The following KCNMA1 variants were observed in gnomAD, a reference collection of about 807,000 sequenced individuals.
The protein encoded by KCNMA1 is Calcium-activated potassium channel subunit alpha-1.
In KCNMA1, 29 loss-of-function variants were observed where a neutral mutation model predicts 140.0. The ratio of observed to expected loss-of-function variants is 0.21; its 90% confidence interval spans 0.15 to 0.28. The LOEUF (loss-of-function observed/expected upper bound fraction) is 0.28, where lower values mean the gene tolerates loss of function less well. Ranked by LOEUF, KCNMA1 falls within the 10% of genes least tolerant of loss-of-function variation. The pLI, the probability that KCNMA1 is intolerant of heterozygous loss-of-function variation, is 1.00. For synonymous variants in KCNMA1, 612 were observed against 611.9 expected (o/e 1.00, Z 0.00); for missense variants, 880 against 1,602.2 (o/e 0.55, Z 7.70).
At chr10:77,129,680 C>T in intron 5 of KCNMA1, among the ~76,000 whole-genome samples, 1 of 151,246 alleles carries the variant, frequency 6.6e-6, no homozygotes, top group East Asian at 1.9e-4. Context: ...ACTAAATAAC[C>T]AGAAAACCAA....
chr10:77,514,005 C>T (rs1217396570), intron 1 of KCNMA1, among the ~76,000 whole-genome samples: 1 of 152,250 alleles, frequency 6.6e-6, no homozygotes, highest in Non-Finnish European at 1.5e-5. Flanking sequence ...GATGGCCTGT[C>T]ACTCCCAGTG....
intron 1 of KCNMA1, among the ~76,000 whole-genome samples, chr10:77,447,365 TG>T (rs139346733): frequency 0.014 from 2,120 of 152,346 alleles, 60 homozygotes; most frequent in African/African-American, 0.048. Flanking sequence ...GAGCTCAAAC[TG>T]GTCTCCACCA....
chr10:77,543,440 A>C lies in KCNMA1; in HGVS notation c.378+93825T>G, dbSNP rs1278695825. 3.9e-5 allele frequency among the ~76,000 whole-genome samples: 6 copies of C among 152,248 alleles called. No homozygotes were observed. The South Asian group carries it at 1.0e-3, about 26-fold the overall frequency. ...GTTAAACATATGCAAGATAAAAAAAATATGGCACTTGTGAACACACACTAC... is the reference window on the plus strand; with the variant it reads ...GTTAAACATATGCAAGATAAAAAAACTATGGCACTTGTGAACACACACTAC... On this transcript the variant is annotated intron_variant, in intron 1 of 27. Coordinates refer to ENST00000286628, the MANE Select transcript of KCNMA1 (RefSeq NM_001161352.2).
chr10:77,073,301 T>C (rs780619599), intron 13 of KCNMA1, 49 bp from the exon 14 acceptor site: 2 of 1,579,966 alleles, frequency 1.3e-6, no homozygotes, highest in African/African-American at 1.3e-5. Context: ...AAATGTTCAA[T>C]TGTTTAACAT....
chr10:77,463,577 T>C (rs756675513), intron 1 of KCNMA1, among the ~76,000 whole-genome samples: 19 of 152,074 alleles, frequency 1.2e-4, no homozygotes, highest in Admixed American at 7.9e-4. Context: ...AAATACAAAC[T>C]AGGTTAGCAC....
At position 77,263,748 on chromosome 10, in the gene KCNMA1, C is replaced by G. The variant is rs1014257402; in HGVS notation, c.541-12492G>C. ...GCTGACGATATGACACCAACATCGG[C>G]TGTGCAGGTGCATGCTCACATTCCT... On this transcript the variant is annotated intron_variant, in intron 2 of 27. Coordinates refer to ENST00000286628, the MANE Select transcript of KCNMA1 (RefSeq NM_001161352.2). Among the ~76,000 whole-genome samples, 4 of 152,164 alleles carry G rather than the reference C, an allele frequency of 2.6e-5. No individual in the cohort carries two copies. The South Asian group carries it at 8.3e-4, about 32-fold the overall frequency.
chr10:77,636,628 G>T, intron 1 of KCNMA1: 1 of 1,536,038 alleles, frequency 6.5e-7, no homozygotes, highest in South Asian at 1.2e-5. Context: ...TCCAAAAGTG[G>T]CAGCCCCGTG....
chr10:76,967,313 A>G (rs1156932272), intron 20 of KCNMA1, among the ~76,000 whole-genome samples: 1 of 152,190 alleles, frequency 6.6e-6, no homozygotes, highest in Non-Finnish European at 1.5e-5. Context: ...TTTTCAGGTC[A>G]TGAGGAATAG....
chr10:77,005,283 T>TTAGGGG (rs2088066914), intron 18 of KCNMA1, among the ~76,000 whole-genome samples: 1 of 152,056 alleles, frequency 6.6e-6, no homozygotes, highest in South Asian at 2.1e-4. Flanking sequence ...CAGCAGATGA[T>TTAGGGG]TAGGGGTAGG....
chr10:77,548,244 A>G (rs2061906285), intron 1 of KCNMA1, among the ~76,000 whole-genome samples: 1 of 152,196 alleles, frequency 6.6e-6, no homozygotes, highest in Non-Finnish European at 1.5e-5. Flanking sequence ...ATTTACAGAA[A>G]GGCAATCTGT....
chr10:77,082,571 A>ATT (rs796409334), intron 12 of KCNMA1, among the ~76,000 whole-genome samples: 1 of 148,714 alleles, frequency 6.7e-6, no homozygotes, highest in African/African-American at 2.5e-5. Flanking sequence ...AAAGGGTTAC[A>ATT]TTTTTTTTTT....
intron 3 of KCNMA1, among the ~76,000 whole-genome samples, chr10:77,207,506 CT>C (rs1360971999): frequency 6.6e-6 from 1 of 152,110 alleles, no homozygotes; most frequent in Non-Finnish European, 1.5e-5. Flanking sequence ...CACTTTGCAC[CT>C]AGTAAGTACT....
chr10:76,911,615 C>T (rs2050296969), intron 24 of KCNMA1: 1 of 152,202 alleles, frequency 6.6e-6, no homozygotes, highest in Non-Finnish European at 1.5e-5. Context: ...TGGATCATGC[C>T]ATGACTTGAT....
At chr10:77,069,758 G>A (rs2096118495) in intron 14 of KCNMA1, among the ~76,000 whole-genome samples, 1 of 152,128 alleles carries the variant, frequency 6.6e-6, no homozygotes, top group South Asian at 2.1e-4. Context: ...CATATTTCTT[G>A]GTACCTCCAG....
intron 14 of KCNMA1, among the ~76,000 whole-genome samples, chr10:77,060,502 C>T (rs1200051137): frequency 6.6e-6 from 1 of 152,068 alleles, no homozygotes; most frequent in Non-Finnish European, 1.5e-5. Flanking sequence ...TCTAGTTTCA[C>T]AGATCCAAAA....
Position 77,637,532 on chromosome 10 carries a change from G to A in KCNMA1, c.111C>T (p.Asp37=), listed in dbSNP as rs201603485. 6 of 1,550,422 alleles carry A rather than the reference G, an allele frequency of 3.9e-6. No individual in the cohort carries two copies. Among genetic ancestry groups the A allele is most frequent in the Non-Finnish European group, 5.3e-6 (6 of 1,142,226 alleles). ...SNIHANHLSL[D]ASSSSSSSSS... ...AGGAGGAGGAGGAGGAGGAGGACGC[G>A]TCTAGGCTGAGATGGTTCGCGTGGA... Residue 37 remains aspartate, a synonymous_variant, in exon 1 of 28, where the codon GAC becomes GAT. Coordinates refer to ENST00000286628, the MANE Select transcript of KCNMA1 (RefSeq NM_001161352.2).
intron 1 of KCNMA1, among the ~76,000 whole-genome samples, chr10:77,531,987 A>G (rs779086890): frequency 6.6e-6 from 1 of 152,242 alleles, no homozygotes; most frequent in Non-Finnish European, 1.5e-5. Context: ...AAATTCAGGA[A>G]TCAATAAAGT....
chr10:77,026,255 G>C (rs2093448122), intron 16 of KCNMA1, among the ~76,000 whole-genome samples: 1 of 152,140 alleles, frequency 6.6e-6, no homozygotes, highest in Non-Finnish European at 1.5e-5. Context: ...GCAATCTCCT[G>C]CAGTCAGATT....
chr10:77,210,352 T>C (rs1417289586), intron 3 of KCNMA1, among the ~76,000 whole-genome samples: 4 of 152,110 alleles, frequency 2.6e-5, no homozygotes, highest in Admixed American at 2.6e-4. Context: ...AAGATTTTGA[T>C]TAAATCTAAC....
Sources: allele counts gnomAD v4.1 joint callset (sites outside exome capture counted in the v4.1 genomes callset), GRCh38; gene constraint gnomAD v4.1.1; transcripts MANE v1.5; gene names NCBI Gene and HGNC (gene_info 2026-07-23, HGNC 2026-07-21).